The following WDR46 variants were observed in gnomAD, a reference collection of about 807,000 sequenced individuals.
The protein encoded by WDR46 is WD repeat-containing protein 46.
WDR46 carries 58 observed loss-of-function variants against 74.7 expected under a neutral mutation model. That is an observed-to-expected ratio of 0.78 (90% CI 0.63 to 0.97). The LOEUF (loss-of-function observed/expected upper bound fraction) is 0.97. WDR46 is among the 50% of genes least tolerant of loss of function. The pLI, the probability that WDR46 is intolerant of heterozygous loss-of-function variation, is 0.00. For synonymous variants in WDR46, 278 were observed against 297.3 expected (o/e 0.93, Z 0.67); for missense variants, 702 against 790.1 (o/e 0.89, Z 1.34).
chr6:33,288,752 C>G, intron 2 of WDR46, 52 bp downstream of exon 2: 1 of 1,613,372 alleles, frequency 6.2e-7, no homozygotes, highest in Non-Finnish European at 8.5e-7. Context: ...AACCCTCTCA[C>G]TCTCAAGGAA....
chr6:33,281,107 C>T lies in WDR46; in HGVS notation c.1116-120G>A. 4.0e-6 allele frequency: 4 copies of T among 1,009,216 alleles called. No individual in the cohort carries two copies. The South Asian group carries it at 6.6e-5, about 17-fold the overall frequency. 62.5% of individuals were successfully genotyped at this position (1,009,216 alleles called of 1,614,324 possible). A position where few individuals can be genotyped will look rare whatever the true frequency, so the allele number is the denominator to read the frequency against. ...AAAGATTAATAGTAATAACCACTGCCATCACCCTGAACACTCCACAGGCAT... is the reference window on the plus strand; with the variant it reads ...AAAGATTAATAGTAATAACCACTGCTATCACCCTGAACACTCCACAGGCAT... On this transcript the variant is annotated intron_variant, in intron 10 of 14. Coordinates refer to ENST00000374617, the MANE Select transcript of WDR46 (RefSeq NM_005452.6).
chr6:33,284,296 C>T (rs1186579052), intron 10 of WDR46: 8 of 153,390 alleles, frequency 5.2e-5, no homozygotes, highest in African/African-American at 4.8e-5. Context: ...TAAAGGATAA[C>T]GGGAGCACCA....
rs777403573 is a variant in WDR46, at chr6:33,288,410, C to T, written c.421G>A (p.Glu141Lys). The change falls in exon 4 of 15, where the codon GAA becomes AAA. Residue 141 changes from glutamate to lysine, a missense_variant. By Grantham distance (56) the Glu-to-Lys change is moderately conservative. Transcript: ENST00000374617. ...GAACGAGCAGCTTTGATACTTGTTTCCTCTTCCTCAGCTTCAGCCACCTCA... is the reference window on the plus strand; with the variant it reads ...GAACGAGCAGCTTTGATACTTGTTTTCTCTTCCTCAGCTTCAGCCACCTCA... ...RLEVAEAEEE[E>K]TSIKAARSEL... 1 of 1,614,174 alleles carries T rather than the reference C, an allele frequency of 6.2e-7. No homozygotes were observed. The highest frequency in any genetic ancestry group is 8.5e-7 in the Non-Finnish European group (1 of 1,180,042).
At chr6:33,283,674 T>C (rs455066) in intron 10 of WDR46, among the ~76,000 whole-genome samples, 141,427 of 152,114 alleles carry the variant, frequency 0.93, 65,892 homozygotes, top group East Asian at 1. Flanking sequence ...CCGAGGTGGG[T>C]GGATCACCTG....
intron 6 of WDR46, 44 bp from the exon 7 acceptor site, chr6:33,287,762 A>C: frequency 6.2e-7 from 1 of 1,605,394 alleles, no homozygotes; most frequent in Admixed American, 1.7e-5. Flanking sequence ...GCAGGGGACC[A>C]CCGACTCAGA....
At position 33,287,520 on chromosome 6, in the gene WDR46, G is replaced by T; in HGVS notation, c.729-15C>A. 6.2e-7 allele frequency: 1 copy of T among 1,613,522 alleles called. No homozygotes were observed. The highest frequency in any genetic ancestry group is 8.5e-7 in the Non-Finnish European group (1 of 1,179,922). ...AATGGAGAAACCTGGGGGAGAGGAA[G>T]AGTGGTTCAATTGGGAAATGAGGTC... On this transcript the variant is annotated splice_polypyrimidine_tract_variant and intron_variant, in intron 7 of 14. Coordinates refer to ENST00000374617, the MANE Select transcript of WDR46 (RefSeq NM_005452.6).
At chr6:33,285,605 C>T (rs1299120584) in intron 10 of WDR46, among the ~76,000 whole-genome samples, 2 of 152,158 alleles carry the variant, frequency 1.3e-5, no homozygotes, top group South Asian at 2.1e-4. Flanking sequence ...CTCACTGCAA[C>T]CCCTGCCTCC....
chr6:33,284,841 A>G (rs565346718), intron 10 of WDR46: 3 of 153,796 alleles, frequency 2.0e-5, no homozygotes, highest in Admixed American at 6.5e-5. Flanking sequence ...GGGCCACACT[A>G]TTTACTTAAT....
intron 10 of WDR46, 47 bp downstream of exon 10, chr6:33,286,748 T>C (rs781648928): frequency 6.3e-7 from 1 of 1,581,326 alleles, no homozygotes; most frequent in Non-Finnish European, 8.7e-7. Flanking sequence ...TTCCACACCT[T>C]TCTGCCCACC....
At position 33,287,691 on chromosome 6, in the gene WDR46, A is replaced by G. The variant is rs780231506; in HGVS notation, c.651T>C (p.Gly217=). ...GRHLAFGGRR[G]HVAALDWVTK... ...TTACCCAATCAAGGGCAGCCACATG[A>G]CCTCGGCGCCCTCCAAAAGCCAGGT... The change falls in exon 7 of 15, where the codon GGT becomes GGC. Residue 217 remains glycine, a synonymous_variant. Coordinates refer to ENST00000374617, the MANE Select transcript of WDR46 (RefSeq NM_005452.6). 1 of 1,613,784 alleles carries G rather than the reference A, an allele frequency of 6.2e-7. No homozygotes were observed. The highest frequency in any genetic ancestry group is 8.5e-7 in the Non-Finnish European group (1 of 1,179,986).
chr6:33,287,672 A>T lies in WDR46; in HGVS notation c.670T>A (p.Trp224Arg). 6.2e-7 allele frequency: 1 copy of T among 1,613,762 alleles called. No homozygotes were observed. The highest frequency in any genetic ancestry group is 8.5e-7 in the Non-Finnish European group (1 of 1,179,948). ...TCGCACATAAGCTTCTTTGTTACCC[A>T]ATCAAGGGCAGCCACATGACCTCGG... ...GRRGHVAALD[W>R]VTKKLMCEIN... Residue 224 changes from tryptophan to arginine, a missense_variant, in exon 7 of 15, where the codon TGG (tryptophan) becomes AGG (arginine). Physicochemically the swap from Trp to Arg is moderately radical, Grantham distance 101. Transcript: ENST00000374617.
In WDR46 at chr6:33,287,492, C is replaced by T; in HGVS notation, c.742G>A (p.Glu248Lys). 1 of 1,613,098 alleles carries T rather than the reference C, an allele frequency of 6.2e-7. No individual in the cohort carries two copies. The highest frequency in any genetic ancestry group is 8.5e-7 in the Non-Finnish European group (1 of 1,179,900). ...AVRDIRFLHSEALLAVAQNRW... is the reference protein window; with the variant it reads ...AVRDIRFLHSKALLAVAQNRW... ...TTCTGAGCAACAGCAAGCAGTGCCTCAGAATGGAGAAACCTGGGGGAGAGG... is the reference window on the plus strand; with the variant it reads ...TTCTGAGCAACAGCAAGCAGTGCCTTAGAATGGAGAAACCTGGGGGAGAGG... Residue 248 changes from glutamate (E) to lysine (K), a missense_variant, in exon 8 of 15, where the codon GAG becomes AAG. Transcript: ENST00000374617.
chr6:33,286,852 G>T lies in WDR46; in HGVS notation c.1058C>A (p.Ala353Glu). The change falls in exon 10 of 15, where the codon GCA becomes GAA. Residue 353 changes from alanine (A) to glutamate (E), a missense_variant. Physicochemically the swap from Ala to Glu is moderately radical, Grantham distance 107. Transcript: ENST00000374617. ...CCCACCACGATGACAGAGAATCTTT[G>T]CCAGTGGCTCCTTCATAGCTGGACT... The part of the protein sequence containing the change: ...LWSPAMKEPL[A>E]KILCHRGGVR... 6.2e-7 allele frequency: 1 copy of T among 1,614,080 alleles called. No individual in the cohort carries two copies. The highest frequency in any genetic ancestry group is 1.3e-5 in the African/African-American group (1 of 75,002).
At position 33,288,697 on chromosome 6, in the gene WDR46, A is replaced by C. The variant is rs766925638; in HGVS notation, c.280-3T>G. 5.6e-6 allele frequency: 9 copies of C among 1,613,178 alleles called. No homozygotes were observed. The highest frequency in any genetic ancestry group is 7.6e-6 in the Non-Finnish European group (9 of 1,179,462). On this transcript the variant is annotated splice_region_variant and splice_polypyrimidine_tract_variant and intron_variant, in intron 2 of 14. Coordinates refer to ENST00000374617, the MANE Select transcript of WDR46 (RefSeq NM_005452.6). ...GGGCCTGGGAATGGATCTTGGGTCTAGGGGAAAGGAGGACGCAATTAGCAG... is the reference window on the plus strand; with the variant it reads ...GGGCCTGGGAATGGATCTTGGGTCTCGGGGAAAGGAGGACGCAATTAGCAG...
chr6:33,279,842 A>C lies in WDR46; in HGVS notation c.1542T>G (p.Ile514Met). The C allele has an allele frequency of 6.2e-7, 1 of 1,614,024 alleles. No homozygotes were observed. Among genetic ancestry groups the C allele is most frequent in the Non-Finnish European group, 8.5e-7 (1 of 1,179,954 alleles). The change falls in exon 13 of 15, where the codon ATT becomes ATG. Residue 514 changes from isoleucine (I) to methionine (M), a missense_variant. Coordinates refer to ENST00000374617, the MANE Select transcript of WDR46 (RefSeq NM_005452.6). Reference sequence around the variant, plus strand: ...CGGCCAGGGCTCGTGGGTCCAGACAAATAAGCTCTGCAGGTACCTGGGGGT... The same window carrying C: ...CGGCCAGGGCTCGTGGGTCCAGACACATAAGCTCTGCAGGTACCTGGGGGT... ...ALLEKVPAEL[I>M]CLDPRALAEV...
At chr6:33,287,851 C>A in intron 6 of WDR46, 114 bp downstream of exon 6, 1 of 1,511,498 alleles carries the variant, frequency 6.6e-7, no homozygotes, top group Non-Finnish European at 9.2e-7. Context: ...TACCCTCACA[C>A]CCAAGCAAAT....
chr6:33,287,705 CA>C lies in WDR46; in HGVS notation c.636del (p.Phe212LeufsTer14). On this transcript the variant is annotated frameshift_variant, in exon 7 of 15. Coordinates refer to ENST00000374617, the MANE Select transcript of WDR46 (RefSeq NM_005452.6). LOFTEE classifies it high-confidence loss of function. ...NYSRTGRHLA[F>X]GGRRGHVAAL... ...GCAGCCACATGACCTCGGCGCCCTC[CA>C]AAAGCCAGGTGTCTGTTGGAGGTGA... 6.2e-7 allele frequency: 1 copy of C among 1,613,892 alleles called. No homozygotes were observed. Among genetic ancestry groups the C allele is most frequent in the Non-Finnish European group, 8.5e-7 (1 of 1,179,972 alleles).
Position 33,280,462 on chromosome 6 carries a change from C to T in WDR46, c.1490G>A (p.Arg497His), listed in dbSNP as rs763132522. The T allele has an allele frequency of 1.6e-5, 26 of 1,593,190 alleles. No homozygotes were observed. The highest frequency in any genetic ancestry group is 2.3e-5 in the South Asian group (2 of 88,028). The change falls in exon 12 of 15, where the codon CGC (arginine) becomes CAC (histidine). Residue 497 changes from arginine to histidine, a missense_variant. Physicochemically the swap from Arg to His is conservative, Grantham distance 29. Transcript: ENST00000374617. Reference protein sequence around the residue: ...ESNPYRSRKQRQEWEVKALLE... With the variant: ...ESNPYRSRKQHQEWEVKALLE... ...CAGGGCCTTCACCTCCCACTCCTGGCGCTGCTTCCGGCTTCTGTATGGATT... is the reference window on the plus strand; with the variant it reads ...CAGGGCCTTCACCTCCCACTCCTGGTGCTGCTTCCGGCTTCTGTATGGATT...
At chr6:33,280,567 C>T (rs1249854985) in intron 11 of WDR46, 45 bp from the exon 12 acceptor site, 2 of 1,601,014 alleles carry the variant, frequency 1.2e-6, no homozygotes, top group South Asian at 1.1e-5. Flanking sequence ...GGAAGAACCT[C>T]AGTCCAACAG....
Sources: gnomAD v4.1 joint callset for allele counts (sites outside exome capture counted in the v4.1 genomes callset) on GRCh38, gnomAD v4.1.1 for gene constraint, MANE v1.5 for transcripts, NCBI Gene and HGNC (gene_info 2026-07-23, HGNC 2026-07-21) for gene names.